F8: variants seen among roughly 807,000 people sequenced by gnomAD.
F8 encodes the protein antihemophilic factor.
In F8, 12 loss-of-function variants were observed where a neutral mutation model predicts 140.6. That is an observed-to-expected ratio of 0.09 (90% confidence interval 0.05 to 0.14). The LOEUF (loss-of-function observed/expected upper bound fraction) is 0.14, where lower values mean the gene tolerates loss of function less well. Ranked by LOEUF, F8 falls within the 10% of genes least tolerant of loss-of-function variation. The pLI, the probability that F8 is intolerant of heterozygous loss-of-function variation, is 1.00. For synonymous variants in F8, 585 were observed against 614.6 expected, an observed-to-expected ratio of 0.95 and a Z score of 0.71; for missense variants, 1,354 against 1,720.7, an observed-to-expected ratio of 0.79 and a Z score of 3.77.
Position 154,954,050 on chromosome X carries a change from T to C in F8, c.1753-8A>G, listed in dbSNP as rs1557280969. The C allele has an allele frequency of 8.3e-7, 1 of 1,209,372 alleles. No homozygotes were observed. Among genetic ancestry groups the C allele is most frequent in the Non-Finnish European group, 1.1e-6 (1 of 893,266 alleles). ...CCTCTTGTCTGACATTATCTGTTAA[T>C]TACATATATTGAAAGGGGTAAAGAA... On this transcript the variant is annotated splice_polypyrimidine_tract_variant and splice_region_variant and intron_variant, in intron 11 of 25. Coordinates refer to ENST00000360256, the MANE Select transcript of F8 (RefSeq NM_000132.4).
At position 154,935,981 on chromosome X, in the gene F8, A is replaced by AACACACACAC. The variant is rs782071576; in HGVS notation, c.2114-4315_2114-4306dup. 4.2e-3 allele frequency among the ~76,000 whole-genome samples: 371 copies of AACACACACAC among 88,318 alleles called. 1 individual carries two copies. The highest frequency in any genetic ancestry group is 0.015 in the African/African-American group (345 of 23,156). The allele number at this position is 88,318 out of a possible 115,157, so 76.7% of individuals were successfully genotyped here. On this transcript the variant is annotated intron_variant, in intron 13 of 25. Transcript: ENST00000360256. ...GAATAAGCCTAGAGAATGCCAAAGT[A>AACACACACAC]ACACACACACACACACACACACACA...
intron 25 of F8, among the ~76,000 whole-genome samples, chrX:154,841,687 A>T (rs1425944444): frequency 9.1e-6 from 1 of 110,427 alleles, no homozygotes; most frequent in Non-Finnish European, 1.9e-5. Context: ...TCTTTTTCTC[A>T]TCTTATTGCA....
intron 18 of F8, among the ~76,000 whole-genome samples, chrX:154,903,458 G>A (rs1468683297): frequency 8.9e-6 from 1 of 112,134 alleles, no homozygotes; most frequent in East Asian, 2.8e-4. Flanking sequence ...GGGATTACAA[G>A]TGTGAGCCAT....
intron 13 of F8, among the ~76,000 whole-genome samples, chrX:154,939,587 G>A (rs1218395896): frequency 2.7e-5 from 3 of 112,787 alleles, no homozygotes; most frequent in African/African-American, 9.7e-5. Flanking sequence ...CCACCTCTGC[G>A]GGCAGGGCAC....
intron 11 of F8, among the ~76,000 whole-genome samples, chrX:154,956,389 G>T: frequency 8.9e-6 from 1 of 112,128 alleles, no homozygotes; most frequent in Middle Eastern, 4.6e-3. Context: ...GTATTGGTTG[G>T]GGAAGTGATA....
Position 154,837,536 on chromosome X carries a change from C to A in F8, c.*61G>T. The A allele has an allele frequency of 6.1e-6, 7 of 1,142,241 alleles. No homozygotes were observed. In the South Asian group the frequency reaches 9.5e-5, roughly 16 times the overall value. The allele number at this position is 1,142,241 out of a possible 1,213,427, so 94.1% of individuals were successfully genotyped here. A position where few individuals can be genotyped will look rare whatever the true frequency, so the allele number is the denominator to read the frequency against. ...AGGTAGAAGGCAAGCCAGGGAGGGA[C>A]ACTGCCCTGGAGCTGAGGAGGGAGA... On this transcript the variant is annotated 3_prime_UTR_variant, in exon 26 of 26. Coordinates refer to ENST00000360256, the MANE Select transcript of F8 (RefSeq NM_000132.4).
At chrX:154,848,545 T>C (rs2072589129) in intron 25 of F8, among the ~76,000 whole-genome samples, 1 of 112,393 alleles carries the variant, frequency 8.9e-6, no homozygotes, top group Non-Finnish European at 1.9e-5. Context: ...ACTGCTGTGC[T>C]AGCAATGAGC....
Position 154,930,448 on chromosome X carries a change from C to T in F8, c.3342G>A (p.Ser1114=), listed in dbSNP as rs200593763. The T allele has an allele frequency of 2.7e-4, 326 of 1,209,629 alleles. No homozygotes were observed. The highest frequency in any genetic ancestry group is 3.4e-4 in the Non-Finnish European group (301 of 894,866). Residue 1114 remains serine, a synonymous_variant, in exon 14 of 26, where the codon TCG becomes TCA. Coordinates refer to ENST00000360256, the MANE Select transcript of F8 (RefSeq NM_000132.4). ...CTGGCAAGAATAGCATCTTAAAGAA[C>T]GACATATCTGGATTTTGTGCATCTG... ...IPPDAQNPDM[S]FFKMLFLPES...
intron 1 of F8, among the ~76,000 whole-genome samples, chrX:155,017,475 A>T (rs2073739803): frequency 8.9e-6 from 1 of 112,682 alleles, no homozygotes; most frequent in Admixed American, 9.4e-5. Context: ...CTTGATAAAC[A>T]AATTTAAAAA....
At chrX:155,010,324 C>T (rs182570146) in intron 1 of F8, among the ~76,000 whole-genome samples, 69 of 111,995 alleles carry the variant, frequency 6.2e-4, no homozygotes, top group African/African-American at 2.2e-3. Flanking sequence ...ATGAACTGTT[C>T]TTTCACATTT....
chrX:155,006,006 T>C (rs1437869409), intron 1 of F8, among the ~76,000 whole-genome samples: 1 of 110,936 alleles, frequency 9.0e-6, no homozygotes, highest in Non-Finnish European at 1.9e-5. Context: ...CTATAAACTT[T>C]CTGCATGCAA....
intron 10 of F8, among the ~76,000 whole-genome samples, chrX:154,959,016 A>G (rs2073380919): frequency 8.9e-6 from 1 of 112,130 alleles, no homozygotes; most frequent in Admixed American, 9.5e-5. Context: ...ACTTGAGAAT[A>G]TACTTCCAGA....
chrX:154,956,110 G>A (rs1369008514), intron 11 of F8, among the ~76,000 whole-genome samples: 6 of 112,021 alleles, frequency 5.4e-5, no homozygotes, highest in African/African-American at 6.5e-5. Context: ...TCTCCTATTC[G>A]CTTTTGCAAG....
intron 3 of F8, among the ~76,000 whole-genome samples, chrX:154,995,281 T>G (rs2073610611): frequency 8.9e-6 from 1 of 111,988 alleles, no homozygotes; most frequent in Non-Finnish European, 1.9e-5. Context: ...TAACAATGTG[T>G]GAAACATTAT....
intron 6 of F8, among the ~76,000 whole-genome samples, chrX:154,970,059 G>T (rs1603435432): frequency 8.9e-6 from 1 of 112,337 alleles, no homozygotes; most frequent in Non-Finnish European, 1.9e-5. Context: ...TCCTGCATTT[G>T]AATATGCAAG....
At chrX:154,955,631 T>C (rs916464315) in intron 11 of F8, among the ~76,000 whole-genome samples, 1 of 110,552 alleles carries the variant, frequency 9.0e-6, no homozygotes, top group East Asian at 2.8e-4. Flanking sequence ...TGACATCACA[T>C]GTCGGCAGGT....
chrX:154,894,586 G>T (rs1169755881), intron 22 of F8, among the ~76,000 whole-genome samples: 3 of 110,467 alleles, frequency 2.7e-5, no homozygotes, highest in African/African-American at 9.9e-5. Context: ...GGGTGTGGTG[G>T]CATGAGCCCG....
intron 25 of F8, among the ~76,000 whole-genome samples, chrX:154,856,287 C>G (rs978055980): frequency 8.9e-6 from 1 of 112,544 alleles, no homozygotes; most frequent in Non-Finnish European, 1.9e-5. Context: ...TGTGATCACT[C>G]TTCTCTGTAG....
At chrX:154,864,236 C>T (rs1603431573) in intron 22 of F8, among the ~76,000 whole-genome samples, 1 of 112,683 alleles carries the variant, frequency 8.9e-6, no homozygotes, top group Non-Finnish European at 1.9e-5. Context: ...GCCCTTTGAC[C>T]CAGCTCCAGG....
Sources: allele counts gnomAD v4.1 joint callset (sites outside exome capture counted in the v4.1 genomes callset), GRCh38; gene constraint gnomAD v4.1.1; transcripts MANE v1.5; gene names NCBI Gene and HGNC (gene_info 2026-07-23, HGNC 2026-07-21).